Variants in IFT81 observed in about 807,000 individuals in gnomAD.
IFT81 encodes intraflagellar transport protein 81 homolog.
Under a neutral mutation model 102.6 loss-of-function variants are expected in IFT81, and 72 were observed. The ratio of observed to expected loss-of-function variants is 0.70; its 90% CI spans 0.58 to 0.85. IFT81 has a LOEUF of 0.85. Ranked by LOEUF, IFT81 falls within the 40% of genes least tolerant of loss-of-function variation. IFT81 has a pLI of 0.00. For synonymous variants in IFT81, 237 were observed against 242.7 expected (o/e 0.98, Z 0.22); for missense variants, 723 against 787.3 (o/e 0.92, Z 0.98).
intron 10 of IFT81, among the ~76,000 whole-genome samples, chr12:110,154,059 C>T (rs573542079): frequency 1.3e-5 from 2 of 152,146 alleles, no homozygotes; most frequent in African/African-American, 4.8e-5. Flanking sequence ...TCTCAGCTCA[C>T]GGCAACCTCC....
chr12:110,181,004 T>G lies in IFT81; in HGVS notation c.1338+433T>G, dbSNP rs193244032. 5.8e-4 allele frequency among the ~76,000 whole-genome samples: 88 copies of G among 152,354 alleles called. 1 individual carries two copies. Among genetic ancestry groups the G allele is most frequent in the African/African-American group, 2.1e-3 (87 of 41,580 alleles). ...GGCTTATTCCTTATGTGTTTGTGCC[T>G]TGGTTGTCTGAAAAAAGTTAAACCC... is the stretch of plus-strand genomic sequence containing the variant. On this transcript the variant is annotated intron_variant, in intron 12 of 18. Transcript: ENST00000242591.
intron 18 of IFT81, among the ~76,000 whole-genome samples, chr12:110,215,641 T>G (rs1276860872): frequency 6.7e-6 from 1 of 150,328 alleles, no homozygotes; most frequent in Non-Finnish European, 1.5e-5. Flanking sequence ...AAAAAAAAAT[T>G]TTTTTTTTGT....
At chr12:110,186,457 GTTTA>G (rs1156542301) in intron 12 of IFT81, among the ~76,000 whole-genome samples, 2 of 151,908 alleles carry the variant, frequency 1.3e-5, no homozygotes, top group African/African-American at 2.4e-5. Context: ...CTCAGCCAAT[GTTTA>G]TTTATTTATT....
intron 14 of IFT81, among the ~76,000 whole-genome samples, chr12:110,202,295 G>GC (rs537361591): frequency 6.0e-4 from 91 of 152,234 alleles, no homozygotes; most frequent in African/African-American, 2.0e-3. Flanking sequence ...TGTACTTTTA[G>GC]CATTTCTAGG....
chr12:110,210,475 C>T (rs1037262151), intron 18 of IFT81, among the ~76,000 whole-genome samples: 2 of 152,054 alleles, frequency 1.3e-5, no homozygotes, highest in South Asian at 4.2e-4. Flanking sequence ...TGACCCATAC[C>T]TATTTGTAAT....
chr12:110,139,624 A>T (rs2137338535), intron 8 of IFT81, among the ~76,000 whole-genome samples: 1 of 151,418 alleles, frequency 6.6e-6, no homozygotes, highest in Non-Finnish European at 1.5e-5. Context: ...AATATAAAAA[A>T]TTAGCCGGGC....
At chr12:110,157,831 T>C (rs11065216) in intron 10 of IFT81, among the ~76,000 whole-genome samples, 8,282 of 152,292 alleles carry the variant, frequency 0.054, 320 homozygotes, top group African/African-American at 0.11. Context: ...AGTGAATTTT[T>C]AATTTCAATA....
intron 9 of IFT81, 30 bp from the exon 10 acceptor site, chr12:110,146,923 C>CTTT: frequency 1.7e-6 from 2 of 1,200,594 alleles, no homozygotes; most frequent in Non-Finnish European, 1.1e-6. Flanking sequence ...AAAGTTTTAA[C>CTTT]TTTTTTTTTT....
At chr12:110,139,209 C>T (rs1049152126) in intron 8 of IFT81, among the ~76,000 whole-genome samples, 6 of 151,256 alleles carry the variant, frequency 4.0e-5, no homozygotes, top group African/African-American at 9.7e-5. Flanking sequence ...TGGTGGTGCA[C>T]GCTTGTAGTC....
At chr12:110,156,867 C>G (rs538846547) in intron 10 of IFT81, among the ~76,000 whole-genome samples, 1 of 152,268 alleles carries the variant, frequency 6.6e-6, no homozygotes, top group East Asian at 1.9e-4. Context: ...CTCTTAGCAT[C>G]TTGATATATT....
At chr12:110,165,597 A>C (rs558286082) in intron 11 of IFT81, among the ~76,000 whole-genome samples, 2 of 152,332 alleles carry the variant, frequency 1.3e-5, no homozygotes, top group African/African-American at 2.4e-5. Context: ...TTTTATACAA[A>C]GCTCTGTTCC....
intron 18 of IFT81, among the ~76,000 whole-genome samples, chr12:110,212,079 C>G (rs555909313): frequency 6.6e-6 from 1 of 152,212 alleles, no homozygotes; most frequent in South Asian, 2.1e-4. Context: ...CTCTTATTTA[C>G]ATTTTCCTGG....
intron 14 of IFT81, among the ~76,000 whole-genome samples, chr12:110,197,961 C>T (rs1389592693): frequency 3.3e-5 from 5 of 152,198 alleles, no homozygotes; most frequent in Non-Finnish European, 5.9e-5. Context: ...ATCCGCCCGC[C>T]TCAGCCTCCC....
At chr12:110,163,614 CTTTTTT>C (rs895090240) in intron 11 of IFT81, among the ~76,000 whole-genome samples, 1 of 126,130 alleles carries the variant, frequency 7.9e-6, no homozygotes, top group African/African-American at 2.9e-5. Flanking sequence ...CAAATTTTCA[CTTTTTT>C]TTTTTTTTTT....
rs139558746 is a variant in IFT81, at chr12:110,186,484, C to T, written c.1339-4436C>T. Among the ~76,000 whole-genome samples the T allele has an allele frequency of 6.9e-3, 1,046 of 151,166 alleles. 1 individual carries two copies. Among genetic ancestry groups the T allele is most frequent in the Non-Finnish European group, 9.5e-3 (643 of 67,556 alleles). ...TTATTTATTTATTATGTCTTTCTTT[C>T]CTTTCTTTCTTTCTTTTTTTATTTG... On this transcript the variant is annotated intron_variant, in intron 12 of 18. Transcript: ENST00000242591.
At chr12:110,210,650 G>T (rs1869282350) in intron 18 of IFT81, among the ~76,000 whole-genome samples, 1 of 151,154 alleles carries the variant, frequency 6.6e-6, no homozygotes, top group African/African-American at 2.4e-5. Context: ...AAGGTGGGAG[G>T]ATTGCTTCAG....
At chr12:110,196,784 A>G (rs1236188040) in intron 14 of IFT81, among the ~76,000 whole-genome samples, 1 of 152,124 alleles carries the variant, frequency 6.6e-6, no homozygotes, top group African/African-American at 2.4e-5. Context: ...TTTTTGCCTT[A>G]GAGTATTATT....
chr12:110,212,116 G>A (rs544684894), intron 18 of IFT81, among the ~76,000 whole-genome samples: 1 of 152,042 alleles, frequency 6.6e-6, no homozygotes, highest in Admixed American at 6.6e-5. Context: ...AAACATATGT[G>A]TGTCTATCTA....
intron 18 of IFT81, among the ~76,000 whole-genome samples, chr12:110,213,594 C>A (rs1429301103): frequency 3.3e-5 from 5 of 152,116 alleles, no homozygotes; most frequent in Admixed American, 3.3e-4. Context: ...ATTCATTCTT[C>A]ATTTATTGAC....
Sources: gnomAD v4.1 joint callset for allele counts (sites outside exome capture counted in the v4.1 genomes callset) on GRCh38, gnomAD v4.1.1 for gene constraint, MANE v1.5 for transcripts, NCBI Gene and HGNC (gene_info 2026-07-23, HGNC 2026-07-21) for gene names.